SYN3: variants seen among roughly 807,000 people sequenced by gnomAD.
SYN3 encodes the protein synapsin III.
In SYN3, 35 loss-of-function variants were observed where a neutral mutation model predicts 65.8. That is an observed-to-expected ratio of 0.53 (90% CI 0.41 to 0.70). SYN3 has a LOEUF of 0.70. SYN3 is among the 30% of genes least tolerant of loss of function. The probability of loss-of-function intolerance (pLI) is 0.00; values close to 1 mark genes in which losing one functional copy is unlikely to be tolerated. For missense variants in SYN3, 680 were observed against 749.0 expected (o/e 0.91, Z 1.08); for synonymous variants, 270 against 292.9 (o/e 0.92, Z 0.80).
At chr22:32,957,190 A>G (rs1223191011) in intron 3 of SYN3, among the ~76,000 whole-genome samples, 1 of 152,202 alleles carries the variant, frequency 6.6e-6, no homozygotes, top group Non-Finnish European at 1.5e-5. Flanking sequence ...TAACTCCAGA[A>G]GCACGAGGGC....
intron 10 of SYN3, among the ~76,000 whole-genome samples, chr22:32,531,414 A>G (rs1415681755): frequency 1.3e-5 from 2 of 152,046 alleles, no homozygotes; most frequent in Admixed American, 6.6e-5. Context: ...CATTCCCTGC[A>G]GTGGAAAACA....
chr22:32,990,311 TC>T (rs1374437993), intron 2 of SYN3, among the ~76,000 whole-genome samples: 5 of 150,322 alleles, frequency 3.3e-5, no homozygotes, highest in East Asian at 2.0e-4. Context: ...AATCCATCCA[TC>T]CATCCATCCA....
chr22:32,628,093 G>A (rs1189611849), intron 6 of SYN3, among the ~76,000 whole-genome samples: 1 of 152,052 alleles, frequency 6.6e-6, no homozygotes, highest in African/African-American at 2.4e-5. Flanking sequence ...CCAAAGTGTG[G>A]GGATTACAGG....
chr22:32,825,706 T>G (rs1180801169), intron 6 of SYN3, among the ~76,000 whole-genome samples: 2 of 145,112 alleles, frequency 1.4e-5, no homozygotes, highest in African/African-American at 2.6e-5. Flanking sequence ...AAGATGTGTG[T>G]ATGTGTGTAT....
intron 7 of SYN3, among the ~76,000 whole-genome samples, chr22:32,580,809 C>A (rs774153162): frequency 2.6e-5 from 4 of 152,174 alleles, no homozygotes; most frequent in Non-Finnish European, 5.9e-5. Flanking sequence ...TGCAAAGCCT[C>A]AAATAGGTAG....
chr22:32,696,425 T>A (rs1040336592), intron 6 of SYN3, among the ~76,000 whole-genome samples: 4 of 152,240 alleles, frequency 2.6e-5, no homozygotes, highest in Non-Finnish European at 5.9e-5. Flanking sequence ...CAGTTAATCA[T>A]CTTAGCCCAT....
intron 6 of SYN3, among the ~76,000 whole-genome samples, chr22:32,743,153 C>T (rs181806735): frequency 3.4e-3 from 519 of 152,258 alleles, no homozygotes; most frequent in Middle Eastern, 6.8e-3. Context: ...TTCAGTTACC[C>T]CCTGAGTGAG....
At chr22:32,919,550 G>A (rs545953922) in intron 4 of SYN3, among the ~76,000 whole-genome samples, 51 of 152,332 alleles carry the variant, frequency 3.3e-4, no homozygotes, top group African/African-American at 1.2e-3. Flanking sequence ...GTACCTGGGA[G>A]TGAGTGCAGG....
chr22:32,600,545 G>A (rs1442488946), intron 6 of SYN3, among the ~76,000 whole-genome samples: 1 of 152,188 alleles, frequency 6.6e-6, no homozygotes, highest in Non-Finnish European at 1.5e-5. Context: ...GTAGGTTGTG[G>A]GTGGATGGAT....
rs560224164 is a variant in SYN3, at chr22:32,644,464, G to A, written c.712-47728C>T. ...GTGGCAGCTGTCCTGCCACGTGAGT[G>A]TCAGGGGCCCTGGGAATGCCTTTTC... On this transcript the variant is annotated intron_variant, in intron 6 of 13. Coordinates refer to ENST00000358763, the MANE Select transcript of SYN3 (RefSeq NM_003490.4). Among the ~76,000 whole-genome samples the A allele has an allele frequency of 5.3e-5, 8 of 152,218 alleles. No individual in the cohort carries two copies. The South Asian group carries it at 1.5e-3, about 28-fold the overall frequency.
intron 6 of SYN3, among the ~76,000 whole-genome samples, chr22:32,682,730 C>G (rs772052222): frequency 6.9e-6 from 1 of 143,976 alleles, no homozygotes; most frequent in East Asian, 2.1e-4. Context: ...CAGCGTTTGA[C>G]GAATCAGTAT....
At chr22:32,712,462 C>T (rs1251828875) in intron 6 of SYN3, among the ~76,000 whole-genome samples, 1 of 152,204 alleles carries the variant, frequency 6.6e-6, no homozygotes, top group Non-Finnish European at 1.5e-5. Context: ...TGAGCTGCTA[C>T]TGACTGCTTG....
intron 3 of SYN3, among the ~76,000 whole-genome samples, chr22:32,949,304 G>A (rs956365782): frequency 2.0e-5 from 3 of 151,976 alleles, no homozygotes; most frequent in African/African-American, 7.3e-5. Context: ...GTTACCAGCG[G>A]GGGGCGGGGG....
chr22:32,638,918 G>C (rs1259259977), intron 6 of SYN3, among the ~76,000 whole-genome samples: 1 of 152,042 alleles, frequency 6.6e-6, no homozygotes, highest in Non-Finnish European at 1.5e-5. Context: ...GTGTTTCCTA[G>C]GTTTTCTTCT....
chr22:32,761,902 G>A (rs149364896), intron 6 of SYN3, among the ~76,000 whole-genome samples: 5 of 152,268 alleles, frequency 3.3e-5, no homozygotes, highest in African/African-American at 7.2e-5. Flanking sequence ...TGTCGGATAC[G>A]GGATGGGGAA....
At chr22:32,956,043 T>C (rs528955770) in intron 3 of SYN3, among the ~76,000 whole-genome samples, 53 of 81,188 alleles carry the variant, frequency 6.5e-4, no homozygotes, top group South Asian at 6.4e-3. Flanking sequence ...TAAATTCACA[T>C]ATATATATAT....
rs71187209 is a variant in SYN3 at position 32,678,532 on chromosome 22, TTCCTCC to T, written c.712-81802_712-81797del. On this transcript the variant is annotated intron_variant, in intron 6 of 13. Transcript: ENST00000358763. ...AGATCATCCTTGTCGTTGAAAGACCTTCCTCCTCCTCCTCCTCCTTCATCCTCCTCC... is the reference window on the plus strand; with the variant it reads ...AGATCATCCTTGTCGTTGAAAGACCTTCCTCCTCCTCCTTCATCCTCCTCC... Among the ~76,000 whole-genome samples, 25 of 151,558 alleles carry T rather than the reference TTCCTCC, an allele frequency of 1.6e-4. No homozygotes were observed. The East Asian group carries it at 4.4e-3, about 26-fold the overall frequency.
chr22:32,735,523 TTTTGTTTGTTTG>T (rs143760247), intron 6 of SYN3, among the ~76,000 whole-genome samples: 2 of 151,920 alleles, frequency 1.3e-5, no homozygotes, highest in Non-Finnish European at 2.9e-5. Context: ...TTGTTTTGTT[TTTTGTTTGTTTG>T]TTTGTTTGTT....
chr22:32,630,965 C>G (rs1359242558), intron 6 of SYN3, among the ~76,000 whole-genome samples: 1 of 152,162 alleles, frequency 6.6e-6, no homozygotes, highest in Admixed American at 6.5e-5. Flanking sequence ...GGATTCCAAC[C>G]CTAATGCTAA....
Sources: allele counts gnomAD v4.1 joint callset (sites outside exome capture counted in the v4.1 genomes callset), GRCh38; gene constraint gnomAD v4.1.1; transcripts MANE v1.5; gene names NCBI Gene and HGNC (gene_info 2026-07-23, HGNC 2026-07-21).